Variants in ATP11A observed in about 807,000 individuals in gnomAD.
The protein encoded by ATP11A is ATPase phospholipid transporting 11A, also known as phospholipid-transporting ATPase IH.
A neutral mutation model predicts 154.4 loss-of-function variants in ATP11A; 81 were observed. The ratio of observed to expected loss-of-function variants is 0.52; its 90% CI spans 0.44 to 0.63. The LOEUF is 0.63. ATP11A is among the 30% of genes least tolerant of loss of function. The pLI, the probability that ATP11A is intolerant of heterozygous loss-of-function variation, is 0.00. For synonymous variants in ATP11A, 623 were observed against 585.9 expected (o/e 1.06, Z -0.91); for missense variants, 1,316 against 1,474.3 (o/e 0.89, Z 1.76).
chr13:112,702,729 CAT>C (rs1238903224), intron 1 of ATP11A, among the ~76,000 whole-genome samples: 1 of 115,842 alleles, frequency 8.6e-6, no homozygotes, highest in Non-Finnish European at 2.0e-5. Flanking sequence ...AACACGTGTG[CAT>C]GAGAGGAAGG....
chr13:112,849,348 G>A (rs974497297), intron 17 of ATP11A, among the ~76,000 whole-genome samples: 62 of 152,270 alleles, frequency 4.1e-4, no homozygotes, highest in African/African-American at 1.2e-3. Context: ...CAGGGTTTTC[G>A]TAGTACTTAG....
At chr13:112,835,289 G>A (rs543936468) in intron 15 of ATP11A, among the ~76,000 whole-genome samples, 44 of 152,344 alleles carry the variant, frequency 2.9e-4, no homozygotes, top group African/African-American at 7.7e-4. Context: ...CAACAAGCAC[G>A]AATGTGCGGT....
At chr13:112,702,425 G>T (rs899240625) in intron 1 of ATP11A, among the ~76,000 whole-genome samples, 1 of 151,530 alleles carries the variant, frequency 6.6e-6, no homozygotes, top group Admixed American at 6.6e-5. Context: ...CGCCCCCCGC[G>T]TGTTCCAGTG....
At chr13:112,809,435 C>T (rs1455345677) in intron 4 of ATP11A, among the ~76,000 whole-genome samples, 2 of 152,190 alleles carry the variant, frequency 1.3e-5, no homozygotes, top group Non-Finnish European at 2.9e-5. Flanking sequence ...GATGCCGCCA[C>T]GTGGCCCACA....
Position 112,785,117 on chromosome 13 carries a change from C to T in ATP11A, c.40-18C>T, listed in dbSNP as rs202173070. 1 of 1,453,026 alleles carries T rather than the reference C, an allele frequency of 6.9e-7. No individual in the cohort carries two copies. Among genetic ancestry groups the T allele is most frequent in the East Asian group, 2.7e-5 (1 of 37,580 alleles). 90.0% of individuals were successfully genotyped at this position (1,453,026 alleles called of 1,614,324 possible). The stretch of plus-strand genomic sequence containing the variant: ...CAGGTTCTGAGGCAGCTGCCTAACA[C>T]CGCTCTCCTTTCCGCAGTGTGCAGG... On this transcript the variant is annotated intron_variant, in intron 1 of 29. Coordinates refer to ENST00000375645, the MANE Select transcript of ATP11A (RefSeq NM_015205.3). The surrounding 1 kb of genome is among the most constrained non-coding windows in gnomAD (Gnocchi z 4.8).
At chr13:112,853,522 A>G (rs2079836427) in intron 18 of ATP11A, among the ~76,000 whole-genome samples, 1 of 152,206 alleles carries the variant, frequency 6.6e-6, no homozygotes, top group Non-Finnish European at 1.5e-5. Context: ...GGAGGCCCCA[A>G]AGTGAGGCAG....
chr13:112,873,812 G>A, intron 27 of ATP11A, 136 bp downstream of exon 27: 1 of 781,436 alleles, frequency 1.3e-6, no homozygotes, highest in Non-Finnish European at 2.1e-6. Flanking sequence ...CTGTGTGCTG[G>A]GTGTCGTGGG....
At position 112,838,503 on chromosome 13, in the gene ATP11A, C is replaced by G. The variant is rs1011633097; in HGVS notation, c.1705+2252C>G. Among the ~76,000 whole-genome samples the G allele has an allele frequency of 6.6e-6, 1 of 152,242 alleles. No homozygotes were observed. The highest frequency in any genetic ancestry group is 1.5e-5 in the Non-Finnish European group (1 of 68,044). ...AAGCATCAGCCACCCCGGAGCCGCC[C>G]CTGCCGCGCACTCACCCCGGAGCTG... is the stretch of plus-strand genomic sequence containing the variant. On this transcript the variant is annotated intron_variant, in intron 16 of 29. Transcript: ENST00000375645. This position sits in a 1 kb window ranked among gnomAD's most constrained non-coding sequence, Gnocchi z 7.3.
intron 25 of ATP11A, among the ~76,000 whole-genome samples, chr13:112,868,786 G>T (rs904305002): frequency 1.3e-5 from 2 of 152,162 alleles, no homozygotes; most frequent in Non-Finnish European, 2.9e-5. Flanking sequence ...GATTTAGGAA[G>T]AAAAGAGGTT....
rs936656830 is a variant in ATP11A, at chr13:112,707,144, G to A, written c.39+16689G>A. 3.3e-5 allele frequency among the ~76,000 whole-genome samples: 5 copies of A among 152,246 alleles called. No homozygotes were observed. In the South Asian group the frequency reaches 1.0e-3, roughly 32 times the overall value. ...TCAAGAAGTTTTACAGGCTGGGCGTGGTGGCTCACACCTGTAATCCCAGCA... is the reference window on the plus strand; with the variant it reads ...TCAAGAAGTTTTACAGGCTGGGCGTAGTGGCTCACACCTGTAATCCCAGCA... On this transcript the variant is annotated intron_variant, in intron 1 of 29. Coordinates refer to ENST00000375645, the MANE Select transcript of ATP11A (RefSeq NM_015205.3).
rs1254421774 is a variant in ATP11A at position 112,886,287 on chromosome 13, T to A, written c.*4421T>A. ...ACAGGCTGTGGGGACTCCCCTGAGT[T>A]GAGCCTTGGCCAGGGGTCCGGTGCT... is the stretch of plus-strand genomic sequence containing the variant. On this transcript the variant is annotated 3_prime_UTR_variant, in exon 30 of 30. Transcript: ENST00000375645. The A allele has an allele frequency of 6.6e-6, 1 of 152,250 alleles. No homozygotes were observed. The highest frequency in any genetic ancestry group is 1.5e-5 in the Non-Finnish European group (1 of 68,042). 9.4% of individuals were successfully genotyped at this position (152,250 alleles called of 1,614,324 possible).
intron 2 of ATP11A, among the ~76,000 whole-genome samples, chr13:112,801,532 T>C (rs1388684071): frequency 6.6e-6 from 1 of 152,264 alleles, no homozygotes; most frequent in Non-Finnish European, 1.5e-5. Flanking sequence ...TGATTGTCCA[T>C]GCAGAAAATC....
chr13:112,767,345 A>G (rs1376958523), intron 1 of ATP11A, among the ~76,000 whole-genome samples: 11 of 4,142 alleles, frequency 2.7e-3, no homozygotes, highest in African/African-American at 3.6e-3. Context: ...GGTGGGGAGG[A>G]TGTGGGGGCG....
At chr13:112,701,030 C>T (rs1476167226) in intron 1 of ATP11A, among the ~76,000 whole-genome samples, 1 of 152,222 alleles carries the variant, frequency 6.6e-6, no homozygotes, top group Non-Finnish European at 1.5e-5. Flanking sequence ...ATCAGCCGAC[C>T]CCAGGTCGCT....
chr13:112,825,278 C>T (rs1047759097), intron 10 of ATP11A, 152 bp from the exon 11 acceptor site: 76 of 782,054 alleles, frequency 9.7e-5, no homozygotes, highest in Non-Finnish European at 1.4e-4. Flanking sequence ...GACGCAAGTG[C>T]AGAGGACCCA....
chr13:112,824,809 G>A (rs897561616), intron 10 of ATP11A, among the ~76,000 whole-genome samples: 4 of 152,342 alleles, frequency 2.6e-5, no homozygotes, highest in South Asian at 2.1e-4. Flanking sequence ...AAAGGAAAGC[G>A]TTAGCAGAGA....
At chr13:112,809,436 G>A (rs985716759) in intron 4 of ATP11A, among the ~76,000 whole-genome samples, 2 of 152,146 alleles carry the variant, frequency 1.3e-5, no homozygotes, top group Non-Finnish European at 2.9e-5. Flanking sequence ...ATGCCGCCAC[G>A]TGGCCCACAG....
rs1181275195 is a variant in ATP11A at position 112,690,611 on chromosome 13, G to A, written c.39+156G>A. ...CCCCGGGGACGAGCGGGATGCTGGG[G>A]AGGGGCCTCGGAGTTGACACCCTGG... On this transcript the variant is annotated intron_variant, in intron 1 of 29. Transcript: ENST00000375645. This position sits in a 1 kb window ranked among gnomAD's most constrained non-coding sequence, Gnocchi z 5.6. Among the ~76,000 whole-genome samples, 1 of 152,010 alleles carries A rather than the reference G, an allele frequency of 6.6e-6. No individual in the cohort carries two copies. Among genetic ancestry groups the A allele is most frequent in the Non-Finnish European group, 1.5e-5 (1 of 67,956 alleles).
At position 112,880,455 on chromosome 13, in the gene ATP11A, T is replaced by C. The variant is rs964545439; in HGVS notation, c.*10-1421T>C. The stretch of plus-strand genomic sequence containing the variant: ...ACAGGGGCTTCGAGCCTCTTCCTGC[T>C]GGGGTCCCACGGATGGTGCAGGCAG... On this transcript the variant is annotated intron_variant, in intron 29 of 29. Coordinates refer to ENST00000375645, the MANE Select transcript of ATP11A (RefSeq NM_015205.3). 4.5e-6 allele frequency: 5 copies of C among 1,101,730 alleles called. No homozygotes were observed. The African/African-American group carries it at 8.3e-5, about 18-fold the overall frequency. The allele number at this position is 1,101,730 out of a possible 1,614,324, so 68.2% of individuals were successfully genotyped here.
Sources: gnomAD v4.1 joint callset for allele counts (sites outside exome capture counted in the v4.1 genomes callset) on GRCh38, gnomAD v4.1.1 for gene constraint, Gnocchi (gnomAD v3.1) non-coding constraint, MANE v1.5 for transcripts, NCBI Gene and HGNC (gene_info 2026-07-23, HGNC 2026-07-21) for gene names.